The following NTRK2 variants were observed in gnomAD, a reference collection of about 807,000 sequenced individuals.
NTRK2 encodes BDNF/NT-3 growth factors receptor.
A neutral mutation model predicts 94.5 loss-of-function variants in NTRK2; 13 were observed. The observed-to-expected ratio is 0.14, with a 90% CI of 0.09 to 0.22. NTRK2 has a LOEUF of 0.22. Among genes scored for constraint, NTRK2 ranks in the 10% least tolerant of loss-of-function variants. The probability of loss-of-function intolerance (pLI) is 1.00; values close to 1 mark genes in which losing one functional copy is unlikely to be tolerated. For synonymous variants in NTRK2, 372 were observed against 407.4 expected (o/e 0.91, Z 1.05); for missense variants, 639 against 1,071.2 (o/e 0.60, Z 5.63).
At chr9:84,675,956 T>C (rs1017672515) in intron 2 of NTRK2, among the ~76,000 whole-genome samples, 13 of 152,196 alleles carry the variant, frequency 8.5e-5, no homozygotes, top group East Asian at 3.8e-4. Context: ...ATCTGGGAGA[T>C]GGATGAGTGA....
chr9:85,019,545 C>A lies in NTRK2; in HGVS notation c.2173-661C>A, dbSNP rs376498176. On this transcript the variant is annotated intron_variant, in intron 17 of 18. Transcript: ENST00000277120. ...GTCTCAGTGTTTTCATTAAAATGGG[C>A]ATTTAAAAAATGTATTTATCTATTG... Among the ~76,000 whole-genome samples, 92 of 152,248 alleles carry A rather than the reference C, an allele frequency of 6.0e-4. 4 individuals carry two copies. The South Asian group carries it at 0.017, about 29-fold the overall frequency.
At position 84,741,914 on chromosome 9, in the gene NTRK2, T is replaced by C; in HGVS notation, c.1182T>C (p.Asp394=). ...IDDGANPNYP[D]VIYEDYGTAA... ...TAGGTGCAAACCCAAATTATCCTGA[T>C]GTAATTTATGAAGGTAGCTATCGTG... Residue 394 remains aspartate (D), a synonymous_variant, in exon 10 of 19, where the codon GAT becomes GAC. Transcript: ENST00000277120. 1 of 1,612,654 alleles carries C rather than the reference T, an allele frequency of 6.2e-7. No homozygotes were observed. Among genetic ancestry groups the C allele is most frequent in the Non-Finnish European group, 8.5e-7 (1 of 1,179,244 alleles).
At chr9:84,922,774 T>TAAGCA in intron 14 of NTRK2, among the ~76,000 whole-genome samples, 1 of 152,206 alleles carries the variant, frequency 6.6e-6, no homozygotes, top group Admixed American at 6.5e-5. Flanking sequence ...CATCCTTGAG[T>TAAGCA]CTTCCACAGC....
chr9:84,936,029 T>A (rs1233793616), intron 15 of NTRK2, among the ~76,000 whole-genome samples: 1 of 152,186 alleles, frequency 6.6e-6, no homozygotes, highest in East Asian at 1.9e-4. Context: ...GGGTGCATAT[T>A]TTGTACTGCC....
At chr9:84,869,430 C>G (rs2075742558) in intron 14 of NTRK2, among the ~76,000 whole-genome samples, 1 of 152,174 alleles carries the variant, frequency 6.6e-6, no homozygotes, top group African/African-American at 2.4e-5. Context: ...AGTCACTATA[C>G]TCTTTCATGA....
chr9:84,864,343 G>A (rs75905200), intron 13 of NTRK2, among the ~76,000 whole-genome samples: 16,866 of 152,004 alleles, frequency 0.11, 1,262 homozygotes, highest in Non-Finnish European at 0.16. Flanking sequence ...AGGACTTCCG[G>A]GACTGTGGGG....
intron 12 of NTRK2, among the ~76,000 whole-genome samples, chr9:84,777,159 T>C (rs905439138): frequency 2.6e-5 from 4 of 152,188 alleles, no homozygotes; most frequent in African/African-American, 4.8e-5. Flanking sequence ...AGAGAAGTTA[T>C]AGAAAGGAAA....
At chr9:84,821,246 G>C (rs372920204) in intron 12 of NTRK2, among the ~76,000 whole-genome samples, 1 of 151,794 alleles carries the variant, frequency 6.6e-6, no homozygotes, top group South Asian at 2.1e-4. Context: ...CAAATTGGTT[G>C]GGCGGAATGT....
intron 9 of NTRK2, among the ~76,000 whole-genome samples, chr9:84,735,938 T>A (rs1564155432): frequency 6.6e-6 from 1 of 152,212 alleles, no homozygotes; most frequent in South Asian, 2.1e-4. Flanking sequence ...AGATCACTTA[T>A]GATTTGTTGT....
chr9:84,769,897 A>T, intron 12 of NTRK2, among the ~76,000 whole-genome samples: 1 of 152,172 alleles, frequency 6.6e-6, no homozygotes, highest in Admixed American at 6.5e-5. Flanking sequence ...TTAAATGCAT[A>T]TCATTTGGTG....
At chr9:84,984,753 G>T (rs1828087673) in intron 17 of NTRK2, among the ~76,000 whole-genome samples, 1 of 152,236 alleles carries the variant, frequency 6.6e-6, no homozygotes, top group African/African-American at 2.4e-5. Context: ...AGAAAGACTT[G>T]CTATTGGGAG....
At chr9:84,677,554 G>A (rs78458736) in intron 2 of NTRK2, among the ~76,000 whole-genome samples, 4 of 152,156 alleles carry the variant, frequency 2.6e-5, no homozygotes, top group African/African-American at 9.7e-5. Context: ...TCTGAAGAAG[G>A]TGGGGAGGTT....
intron 2 of NTRK2, among the ~76,000 whole-genome samples, chr9:84,684,527 G>A (rs983401128): frequency 7.2e-5 from 11 of 152,140 alleles, no homozygotes; most frequent in Non-Finnish European, 7.4e-5. Context: ...TATTTCTGAG[G>A]CTCAGTAATA....
intron 14 of NTRK2, among the ~76,000 whole-genome samples, chr9:84,926,438 G>A (rs915780067): frequency 3.3e-5 from 5 of 151,888 alleles, no homozygotes; most frequent in Middle Eastern, 6.8e-3. Context: ...CTCCATGTTG[G>A]TCAGGCTGGT....
intron 14 of NTRK2, among the ~76,000 whole-genome samples, chr9:84,887,169 C>T (rs1302118289): frequency 1.3e-5 from 2 of 152,156 alleles, no homozygotes; most frequent in African/African-American, 4.8e-5. Flanking sequence ...GGCAGTTCTT[C>T]GTGCATTTTA....
At chr9:84,824,193 C>A (rs1390933579) in intron 12 of NTRK2, among the ~76,000 whole-genome samples, 1 of 152,200 alleles carries the variant, frequency 6.6e-6, no homozygotes, top group Non-Finnish European at 1.5e-5. Context: ...TCCAATAGCT[C>A]AAGGGAAGGC....
At chr9:84,805,275 G>A (rs1233903427) in intron 12 of NTRK2, among the ~76,000 whole-genome samples, 2 of 152,108 alleles carry the variant, frequency 1.3e-5, no homozygotes, top group African/African-American at 4.8e-5. Context: ...TCCTTTAAAA[G>A]CCTTCCTGAC....
chr9:84,875,975 AG>A (rs1564420503), intron 14 of NTRK2: 6 of 1,038,806 alleles, frequency 5.8e-6, no homozygotes, highest in Non-Finnish European at 5.8e-6. Context: ...AACCAAAGGC[AG>A]GGGGGAATCC....
intron 12 of NTRK2, chr9:84,811,547 A>G (rs2071789906): frequency 9.4e-7 from 1 of 1,065,332 alleles, no homozygotes; most frequent in East Asian, 5.0e-5. Context: ...ACAGAACTGC[A>G]GCTTTTCTAC....
Sources: gnomAD v4.1 joint callset for allele counts (sites outside exome capture counted in the v4.1 genomes callset) on GRCh38, gnomAD v4.1.1 for gene constraint, MANE v1.5 for transcripts, NCBI Gene and HGNC (gene_info 2026-07-23, HGNC 2026-07-21) for gene names.